Variants in PLAC8L1 observed in about 807,000 individuals in gnomAD.
The protein encoded by PLAC8L1 is PLAC8-like protein 1.
In PLAC8L1, 13 loss-of-function variants were observed where a neutral mutation model predicts 16.3. The ratio of observed to expected loss-of-function variants is 0.80; its 90% CI spans 0.52 to 1.27. The LOEUF (loss-of-function observed/expected upper bound fraction) is 1.27, where lower values mean the gene tolerates loss of function less well. Among genes scored for constraint, PLAC8L1 ranks in the 50% most tolerant of loss-of-function variants. The pLI is 0.00. For synonymous variants in PLAC8L1, 78 were observed against 79.3 expected, an observed-to-expected ratio of 0.98 and a Z score of 0.09; for missense variants, 184 against 220.2, an observed-to-expected ratio of 0.84 and a Z score of 1.04.
chr5:146,100,554 T>C (rs1396404376), intron 1 of PLAC8L1, among the ~76,000 whole-genome samples: 1 of 152,214 alleles, frequency 6.6e-6, no homozygotes, highest in Admixed American at 6.5e-5. Flanking sequence ...TTTTGAAAAT[T>C]TGTAAGTTCT....
chr5:146,091,212 T>C (rs547197331), intron 2 of PLAC8L1, among the ~76,000 whole-genome samples: 6 of 152,318 alleles, frequency 3.9e-5, no homozygotes, highest in Admixed American at 2.0e-4. Context: ...TGATTCCACT[T>C]ATCAGTGTCC....
At chr5:146,095,917 A>G (rs996651646) in intron 2 of PLAC8L1, among the ~76,000 whole-genome samples, 1 of 152,234 alleles carries the variant, frequency 6.6e-6, no homozygotes, top group African/African-American at 2.4e-5. Flanking sequence ...TACCTGGCTC[A>G]TTGATTCCGG....
intron 2 of PLAC8L1, among the ~76,000 whole-genome samples, chr5:146,096,449 G>A (rs2150036447): frequency 1.3e-5 from 2 of 152,206 alleles, no homozygotes; most frequent in Middle Eastern, 6.8e-3. Flanking sequence ...TGTTAAGAGT[G>A]GGTTCTATAC....
In PLAC8L1 at chr5:146,098,222, C is replaced by T. The variant is rs749506153; in HGVS notation, c.190G>A (p.Ala64Thr). Reference protein sequence around the residue: ...RGASGRTTITAIVQTGGGWST... With the variant: ...RGASGRTTITTIVQTGGGWST... ...CAGCCCCCGCCAGTCTGGACAATTG[C>T]TGTGATTGTCGTCCTGCCACTGGCT... Residue 64 changes from alanine to threonine, a missense_variant, in exon 2 of 4, where the codon GCA becomes ACA. Ala to Thr is a moderately conservative substitution (Grantham distance 58, BLOSUM62 0). Transcript: ENST00000311450. The T allele has an allele frequency of 6.2e-7, 1 of 1,614,136 alleles. No individual in the cohort carries two copies. Among genetic ancestry groups the T allele is most frequent in the Admixed American group, 1.7e-5 (1 of 60,014 alleles).
intron 2 of PLAC8L1, among the ~76,000 whole-genome samples, chr5:146,096,736 G>C (rs545705886): frequency 1.3e-5 from 2 of 152,164 alleles, no homozygotes; most frequent in Admixed American, 6.5e-5. Context: ...TCTGGGGCCA[G>C]ATCTGCACAT....
chr5:146,098,963 G>T (rs1312256380), intron 1 of PLAC8L1, among the ~76,000 whole-genome samples: 3 of 152,088 alleles, frequency 2.0e-5, no homozygotes, highest in Admixed American at 2.0e-4. Context: ...GTATACTTTG[G>T]GTTGATTTTC....
At chr5:146,092,038 C>T (rs1038097324) in intron 2 of PLAC8L1, among the ~76,000 whole-genome samples, 5 of 152,000 alleles carry the variant, frequency 3.3e-5, no homozygotes, top group African/African-American at 7.3e-5. Flanking sequence ...GGGTTCCACC[C>T]GCATGTGTGG....
intron 2 of PLAC8L1, among the ~76,000 whole-genome samples, chr5:146,093,047 T>A (rs1201661660): frequency 2.6e-5 from 4 of 152,074 alleles, no homozygotes; most frequent in African/African-American, 9.7e-5. Context: ...AAGCAAAACA[T>A]CTAGAAGGAT....
intron 1 of PLAC8L1, among the ~76,000 whole-genome samples, chr5:146,101,837 A>G (rs10491261): frequency 0.22 from 33,892 of 152,130 alleles, 4,839 homozygotes; most frequent in Admixed American, 0.34. Flanking sequence ...TTCCATCATT[A>G]GGCTAAGAGC....
chr5:146,102,577 G>A (rs557153622), intron 1 of PLAC8L1, among the ~76,000 whole-genome samples: 3 of 152,248 alleles, frequency 2.0e-5, no homozygotes, highest in Non-Finnish European at 2.9e-5. Flanking sequence ...ATTACGCCCA[G>A]GGAATCTTCT....
At position 146,105,536 on chromosome 5, in the gene PLAC8L1, TTTA is replaced by T. The variant is rs1053482887; in HGVS notation, c.-1228_-1226del. Among the ~76,000 whole-genome samples the T allele has an allele frequency of 7.8e-6, 1 of 127,774 alleles. No individual in the cohort carries two copies. Among genetic ancestry groups the T allele is most frequent in the African/African-American group, 2.6e-5 (1 of 37,746 alleles). 83.8% of individuals were successfully genotyped at this position (127,774 alleles called of 152,430 possible). A position where few individuals can be genotyped will look rare whatever the true frequency, so the allele number is the denominator to read the frequency against. ...AATGTGCCCTACATGAAAATTCAGG[TTTA>T]TAAGAATAACAGAAATTAAGAGGTG... On this transcript the variant is annotated 5_prime_UTR_variant, in exon 1 of 4. Transcript: ENST00000311450.
At chr5:146,093,487 C>G (rs965002307) in intron 2 of PLAC8L1, among the ~76,000 whole-genome samples, 1 of 152,140 alleles carries the variant, frequency 6.6e-6, no homozygotes, top group African/African-American at 2.4e-5. Flanking sequence ...AGGGGATTTA[C>G]GCAAACAGAT....
intron 1 of PLAC8L1, among the ~76,000 whole-genome samples, chr5:146,100,712 C>G (rs1455263264): frequency 6.6e-6 from 1 of 151,744 alleles, no homozygotes; most frequent in Non-Finnish European, 1.5e-5. Context: ...ATGGATATAA[C>G]AAATGTATGG....
chr5:146,104,135 G>A lies in PLAC8L1; in HGVS notation c.119+58C>T, dbSNP rs1763869577. ...CCCTGGTTCCTTATAAGTAGAGGTTGATTCGATAGTCCAACTAAAGAGCAA... is the reference window on the plus strand; with the variant it reads ...CCCTGGTTCCTTATAAGTAGAGGTTAATTCGATAGTCCAACTAAAGAGCAA... On this transcript the variant is annotated intron_variant, in intron 1 of 3. Coordinates refer to ENST00000311450, the MANE Select transcript of PLAC8L1 (RefSeq NM_001029869.3). 8 of 1,590,078 alleles carry A rather than the reference G, an allele frequency of 5.0e-6. No individual in the cohort carries two copies. The Admixed American group carries it at 1.4e-4, about 28-fold the overall frequency.
chr5:146,100,376 T>G (rs1488156467), intron 1 of PLAC8L1, among the ~76,000 whole-genome samples: 1 of 152,142 alleles, frequency 6.6e-6, no homozygotes, highest in African/African-American at 2.4e-5. Context: ...CCATTAGGCA[T>G]TGTAGACAGT....
At chr5:146,099,490 C>G (rs1042067123) in intron 1 of PLAC8L1, 2 of 152,016 alleles carry the variant, frequency 1.3e-5, no homozygotes, top group African/African-American at 4.8e-5. Flanking sequence ...GAAACCCCAT[C>G]TCTACTAAAA....
At chr5:146,097,922 G>A (rs902322995) in intron 2 of PLAC8L1, among the ~76,000 whole-genome samples, 27 of 152,218 alleles carry the variant, frequency 1.8e-4, no homozygotes, top group African/African-American at 6.3e-4. Context: ...TTTGCCAACA[G>A]TGGAGTCTGT....
rs893324848 is a variant in PLAC8L1 at position 146,105,208 on chromosome 5, C to T, written c.-897G>A. ...TAGAAAGACATCAGGAGGATACTGC[C>T]AATTATATCATATATTCTTTTCATC... is the stretch of plus-strand genomic sequence containing the variant. On this transcript the variant is annotated 5_prime_UTR_variant, in exon 1 of 4. Coordinates refer to ENST00000311450, the MANE Select transcript of PLAC8L1 (RefSeq NM_001029869.3). Among the ~76,000 whole-genome samples, 3 of 152,120 alleles carry T rather than the reference C, an allele frequency of 2.0e-5. No homozygotes were observed. The highest frequency in any genetic ancestry group is 4.4e-5 in the Non-Finnish European group (3 of 68,026).
At chr5:146,100,033 A>G (rs977985387) in intron 1 of PLAC8L1, among the ~76,000 whole-genome samples, 2 of 152,212 alleles carry the variant, frequency 1.3e-5, no homozygotes, top group African/African-American at 4.8e-5. Flanking sequence ...ACAGAAATTA[A>G]TATTAAAACA....
Sources: gnomAD v4.1 joint callset for allele counts (sites outside exome capture counted in the v4.1 genomes callset) on GRCh38, gnomAD v4.1.1 for gene constraint, MANE v1.5 for transcripts, NCBI Gene and HGNC (gene_info 2026-07-23, HGNC 2026-07-21) for gene names.